The following SLC9B1 variants were observed in gnomAD, a reference collection of about 807,000 sequenced individuals.
The protein encoded by SLC9B1 is solute carrier family 9 member B1.
Under a neutral mutation model 51.7 loss-of-function variants are expected in SLC9B1, and 32 were observed. The observed-to-expected ratio is 0.62, with a 90% confidence interval of 0.47 to 0.83. The LOEUF is 0.83. Among genes scored for constraint, SLC9B1 ranks in the 40% least tolerant of loss-of-function variants. SLC9B1 has a pLI of 0.00. For missense variants in SLC9B1, 406 were observed against 613.2 expected (o/e 0.66, Z 3.57); for synonymous variants, 145 against 212.7 (o/e 0.68, Z 2.77).
chr4:102,920,772 T>A (rs567965979), intron 7 of SLC9B1, among the ~76,000 whole-genome samples: 1 of 152,290 alleles, frequency 6.6e-6, no homozygotes, highest in Non-Finnish European at 1.5e-5. Context: ...ATGCACAAGC[T>A]TCAATAGCCG....
chr4:103,000,535 G>A (rs559463225), intron 1 of SLC9B1, among the ~76,000 whole-genome samples: 2 of 152,340 alleles, frequency 1.3e-5, no homozygotes, highest in South Asian at 4.1e-4. Flanking sequence ...CAGGCATTGG[G>A]TAAATATTCC....
chr4:102,895,365 C>T (rs1004509202), intron 11 of SLC9B1, among the ~76,000 whole-genome samples: 5 of 151,766 alleles, frequency 3.3e-5, no homozygotes, highest in African/African-American at 4.8e-5. Flanking sequence ...GGGAGAGAAG[C>T]AGAAGAGAAA....
chr4:102,967,411 G>A (rs143189758), intron 3 of SLC9B1, among the ~76,000 whole-genome samples: 2,728 of 151,446 alleles, frequency 0.018, 31 homozygotes, highest in Non-Finnish European at 0.024. Flanking sequence ...ACAGAATACC[G>A]GAGACTGAGT....
chr4:103,004,570 A>C (rs1740687059), intron 1 of SLC9B1, among the ~76,000 whole-genome samples: 1 of 152,190 alleles, frequency 6.6e-6, no homozygotes, highest in African/African-American at 2.4e-5. Context: ...TTCAAATTCA[A>C]GAAATGCAGA....
chr4:102,964,466 A>G (rs1249429457), intron 3 of SLC9B1, among the ~76,000 whole-genome samples: 1 of 152,212 alleles, frequency 6.6e-6, no homozygotes, highest in African/African-American at 2.4e-5. Context: ...TATTACCCTG[A>G]TATCAAAACA....
intron 3 of SLC9B1, among the ~76,000 whole-genome samples, chr4:102,963,531 CCTT>C (rs1467774235): frequency 1.3e-5 from 2 of 152,324 alleles, no homozygotes; most frequent in South Asian, 2.1e-4. Context: ...TATGCCCACT[CCTT>C]CTTCTCTCAC....
chr4:102,929,802 G>A lies in SLC9B1; in HGVS notation c.829+2322C>T, dbSNP rs183089903. Among the ~76,000 whole-genome samples the A allele has an allele frequency of 7.2e-5, 11 of 152,328 alleles. No homozygotes were observed. The South Asian group carries it at 8.3e-4, about 11-fold the overall frequency. On this transcript the variant is annotated intron_variant, in intron 7 of 11. Transcript: ENST00000296422. Reference sequence around the variant, plus strand: ...CTCCCAAAGTGTTGGGATTATAGGCGTGAGCCATTGGGCCCGGCCTGGAAA... The same window carrying A: ...CTCCCAAAGTGTTGGGATTATAGGCATGAGCCATTGGGCCCGGCCTGGAAA...
In SLC9B1 at chr4:102,989,831, T is replaced by G. The variant is rs1430392323; in HGVS notation, c.180A>C (p.Leu60=). The G allele has an allele frequency of 6.3e-7, 1 of 1,598,000 alleles. No individual in the cohort carries two copies. The highest frequency in any genetic ancestry group is 8.6e-7 in the Non-Finnish European group (1 of 1,169,070). ...TKKETYISCP[L]RGVLNVIITN... is the part of the protein sequence containing the mutation. ...TAATAATTACATTCAATACTCCTCT[T>G]AGAGGACAAGAAATGTATGTCTCCT... is the stretch of plus-strand genomic sequence containing the variant. Residue 60 remains leucine (L), a synonymous_variant, in exon 3 of 12, where the codon CTA becomes CTC. Transcript: ENST00000296422.
At chr4:102,959,707 T>A (rs929139802) in intron 3 of SLC9B1, among the ~76,000 whole-genome samples, 4 of 152,186 alleles carry the variant, frequency 2.6e-5, no homozygotes, top group Admixed American at 6.5e-5. Context: ...CACTCCCCTG[T>A]GCTGTTGGTC....
chr4:102,942,038 G>C (rs1315568396), intron 6 of SLC9B1, among the ~76,000 whole-genome samples: 1 of 152,028 alleles, frequency 6.6e-6, no homozygotes, highest in East Asian at 1.9e-4. Flanking sequence ...ATTAAGTCAA[G>C]ATCTCAACCC....
At chr4:102,906,386 A>G (rs1041165758) in intron 10 of SLC9B1, 150 bp downstream of exon 10, 13 of 461,574 alleles carry the variant, frequency 2.8e-5, no homozygotes, top group Non-Finnish European at 4.5e-5. Context: ...GTGTAAAGGA[A>G]GAGCAATATG....
At chr4:102,908,472 G>GTA (rs1735169273) in intron 9 of SLC9B1, among the ~76,000 whole-genome samples, 2 of 146,370 alleles carry the variant, frequency 1.4e-5, no homozygotes, top group African/African-American at 2.5e-5. Context: ...ATGTGTGTGT[G>GTA]TATATATATA....
At chr4:102,935,608 C>A (rs1475708551) in intron 6 of SLC9B1, among the ~76,000 whole-genome samples, 5 of 152,134 alleles carry the variant, frequency 3.3e-5, no homozygotes, top group African/African-American at 4.8e-5. Flanking sequence ...ACGTGTGTAT[C>A]CATCTTGAGA....
chr4:102,932,108 A>AT lies in SLC9B1; in HGVS notation c.829+15dup, dbSNP rs765504171. ...GGTCATGAATGATCTAGTGGTTGTT[A>AT]TATTTTCTTGTTTACCTGAGGAAAA... On this transcript the variant is annotated intron_variant, in intron 7 of 11. Transcript: ENST00000296422. The AT allele has an allele frequency of 3.1e-6, 5 of 1,611,182 alleles. No homozygotes were observed. The highest frequency in any genetic ancestry group is 4.2e-6 in the Non-Finnish European group (5 of 1,179,244).
chr4:102,984,966 C>T (rs1739539385), intron 3 of SLC9B1, among the ~76,000 whole-genome samples: 1 of 152,136 alleles, frequency 6.6e-6, no homozygotes, highest in African/African-American at 2.4e-5. Context: ...AAGATGCATA[C>T]CAATGAGCCT....
chr4:102,982,498 CT>C (rs1229776411), intron 3 of SLC9B1, among the ~76,000 whole-genome samples: 1 of 152,088 alleles, frequency 6.6e-6, no homozygotes, highest in Non-Finnish European at 1.5e-5. Flanking sequence ...GTACTGACAT[CT>C]GACAATACTA....
intron 1 of SLC9B1, among the ~76,000 whole-genome samples, chr4:103,011,345 G>A (rs1178834989): frequency 6.6e-6 from 1 of 152,182 alleles, no homozygotes; most frequent in African/African-American, 2.4e-5. Context: ...TGGGAGCCTT[G>A]CCTGCATGGC....
At position 102,893,281 on chromosome 4, in the gene SLC9B1, C is replaced by CAAAAAAAA. The variant is rs58316456; in HGVS notation, c.1333-7961_1333-7954dup. ...TGGGCCACAGAGCAAGACTCCATCT[C>CAAAAAAAA]AAAAAAAAAAAAAAAAAAAAAAAAG... On this transcript the variant is annotated intron_variant, in intron 11 of 11. Coordinates refer to the SLC9B1 transcript ENST00000394789. Among the ~76,000 whole-genome samples, 223 of 35,092 alleles carry CAAAAAAAA rather than the reference C, an allele frequency of 6.4e-3. 9 individuals carry two copies. Among genetic ancestry groups the CAAAAAAAA allele is most frequent in the East Asian group, 0.023 (21 of 928 alleles). The allele number at this position is 35,092 out of a possible 152,430, so 23.0% of individuals were successfully genotyped here. A position where few individuals can be genotyped will look rare whatever the true frequency, so the allele number is the denominator to read the frequency against.
chr4:102,932,173 A>T lies in SLC9B1; in HGVS notation c.780T>A (p.Ile260=), dbSNP rs1415619868. 6.2e-7 allele frequency: 1 copy of T among 1,611,994 alleles called. No individual in the cohort carries two copies. The highest frequency in any genetic ancestry group is 1.1e-5 in the South Asian group (1 of 90,990). ...LLMAASSMDD[I]LAITGFNTCL... Reference sequence around the variant, plus strand: ...ATGTATTGAATCCAGTGATAGCCAGAATGTCATCCATACTGCTAGCAGCCA... The same window carrying T: ...ATGTATTGAATCCAGTGATAGCCAGTATGTCATCCATACTGCTAGCAGCCA... Residue 260 remains isoleucine, a synonymous_variant, in exon 7 of 12, where the codon ATT becomes ATA. Transcript: ENST00000296422.
Sources: gnomAD v4.1 joint callset for allele counts (sites outside exome capture counted in the v4.1 genomes callset) on GRCh38, gnomAD v4.1.1 for gene constraint, MANE v1.5 for transcripts, NCBI Gene and HGNC (gene_info 2026-07-23, HGNC 2026-07-21) for gene names.